SHC4: variants seen among roughly 807,000 people sequenced by gnomAD.
SHC4 encodes the protein SHC-transforming protein 4.
Under a neutral mutation model 69.4 loss-of-function variants are expected in SHC4, and 41 were observed. The ratio of observed to expected loss-of-function variants is 0.59; its 90% CI spans 0.46 to 0.77. SHC4 has a LOEUF of 0.77. SHC4 is among the 30% of genes least tolerant of loss of function. SHC4 has a pLI of 0.00. For missense variants in SHC4, 777 were observed against 783.8 expected, an observed-to-expected ratio of 0.99 and a Z score of 0.10; for synonymous variants, 318 against 299.3, an observed-to-expected ratio of 1.06 and a Z score of -0.64.
intron 2 of SHC4, among the ~76,000 whole-genome samples, chr15:48,918,636 C>A (rs878964321): frequency 1.3e-5 from 2 of 152,066 alleles, no homozygotes; most frequent in Admixed American, 1.3e-4. Flanking sequence ...TAGTTCAAGA[C>A]CTAGAGTTTG....
chr15:48,889,176 G>A lies in SHC4; in HGVS notation c.720+1572C>T, dbSNP rs148386124. ...CTTGCCTGGTAGCTGGAATCATCCAGTTGAAGCATCCTAATCAGAAATTAT... is the reference window on the plus strand; with the variant it reads ...CTTGCCTGGTAGCTGGAATCATCCAATTGAAGCATCCTAATCAGAAATTAT... On this transcript the variant is annotated intron_variant, in intron 3 of 11. Coordinates refer to ENST00000332408, the MANE Select transcript of SHC4 (RefSeq NM_203349.4). Among the ~76,000 whole-genome samples, 21 of 152,326 alleles carry A rather than the reference G, an allele frequency of 1.4e-4. No homozygotes were observed. The East Asian group carries it at 2.9e-3, about 21-fold the overall frequency.
At chr15:48,857,336 T>A (rs773908353) in intron 7 of SHC4, among the ~76,000 whole-genome samples, 5 of 152,070 alleles carry the variant, frequency 3.3e-5, no homozygotes, top group Non-Finnish European at 7.4e-5. Flanking sequence ...GTAAAGGATC[T>A]GGGGTTGAAA....
In SHC4 at chr15:48,941,979, T is replaced by C. The variant is rs115669495; in HGVS notation, c.586-17030A>G. 3.5e-3 allele frequency among the ~76,000 whole-genome samples: 530 copies of C among 152,294 alleles called. 5 individuals carry two copies. The highest frequency in any genetic ancestry group is 0.012 in the African/African-American group (492 of 41,560). ...GTACATATTATTTCATTCTCATTTA[T>C]AAATGAGAACATGCAGTATTTGAGT... On this transcript the variant is annotated intron_variant, in intron 1 of 11. Coordinates refer to ENST00000332408, the MANE Select transcript of SHC4 (RefSeq NM_203349.4).
In SHC4 at chr15:48,827,956, G is replaced by A. The variant is rs540615189; in HGVS notation, c.1738-1830C>T. On this transcript the variant is annotated intron_variant, in intron 11 of 11. Coordinates refer to ENST00000332408, the MANE Select transcript of SHC4 (RefSeq NM_203349.4). Reference sequence around the variant, plus strand: ...ACACAGCCCACTGTACCTTATGCTCGCTCTATCCCCTGCCCAGCTTTATTC... The same window carrying A: ...ACACAGCCCACTGTACCTTATGCTCACTCTATCCCCTGCCCAGCTTTATTC... Among the ~76,000 whole-genome samples the A allele has an allele frequency of 9.0e-4, 137 of 151,974 alleles. 2 individuals are homozygous for A. Among genetic ancestry groups the A allele is most frequent in the East Asian group, 1.9e-4 (1 of 5,192 alleles).
At chr15:48,893,549 C>T (rs1900170445) in intron 2 of SHC4, among the ~76,000 whole-genome samples, 1 of 152,104 alleles carries the variant, frequency 6.6e-6, no homozygotes, top group African/African-American at 2.4e-5. Context: ...AGTTTGTTGA[C>T]CCCTGGATCC....
At chr15:48,914,173 T>C (rs1900572021) in intron 2 of SHC4, among the ~76,000 whole-genome samples, 1 of 152,238 alleles carries the variant, frequency 6.6e-6, no homozygotes, top group Admixed American at 6.5e-5. Flanking sequence ...ACATTGTGCG[T>C]TTTAAAGACT....
chr15:48,953,738 C>T (rs543455548), intron 1 of SHC4, among the ~76,000 whole-genome samples: 1 of 152,292 alleles, frequency 6.6e-6, no homozygotes, highest in South Asian at 2.1e-4. Flanking sequence ...AGTAAGCTAG[C>T]CTGTCAATGT....
intron 11 of SHC4, among the ~76,000 whole-genome samples, chr15:48,829,220 A>G (rs1195236668): frequency 6.6e-6 from 1 of 152,110 alleles, no homozygotes; most frequent in African/African-American, 2.4e-5. Context: ...TTGCTGTTGG[A>G]TGGAATGTTC....
At chr15:48,927,270 C>A (rs79089709) in intron 1 of SHC4, among the ~76,000 whole-genome samples, 3,092 of 152,282 alleles carry the variant, frequency 0.02, 57 homozygotes, top group South Asian at 0.089. Context: ...CTAGGTCTTG[C>A]GTCCCTATAT....
intron 1 of SHC4, among the ~76,000 whole-genome samples, chr15:48,962,103 G>A (rs914693847): frequency 6.6e-6 from 1 of 152,004 alleles, no homozygotes; most frequent in Admixed American, 6.6e-5. Flanking sequence ...ACTCTTTTTG[G>A]CCAGAATACT....
intron 10 of SHC4, among the ~76,000 whole-genome samples, chr15:48,839,135 C>T (rs1388660661): frequency 6.6e-6 from 1 of 151,828 alleles, no homozygotes; most frequent in African/African-American, 2.4e-5. Context: ...GAGAAAATTA[C>T]CAATAACAGG....
intron 2 of SHC4, among the ~76,000 whole-genome samples, chr15:48,907,580 T>C (rs1900428895): frequency 6.6e-6 from 1 of 151,928 alleles, no homozygotes; most frequent in African/African-American, 2.4e-5. Flanking sequence ...TCCCCCCGAT[T>C]CCCCAAAGTC....
intron 1 of SHC4, among the ~76,000 whole-genome samples, chr15:48,956,779 A>G (rs1567079042): frequency 1.3e-5 from 2 of 152,210 alleles, no homozygotes; most frequent in Non-Finnish European, 2.9e-5. Flanking sequence ...CCTGAAGGAC[A>G]TTCTTTCTCT....
chr15:48,860,005 A>T (rs1282160380), intron 6 of SHC4, among the ~76,000 whole-genome samples: 1 of 152,112 alleles, frequency 6.6e-6, no homozygotes, highest in Non-Finnish European at 1.5e-5. Context: ...GTGAATAGCC[A>T]CTGCACCCCA....
chr15:48,826,107 A>G lies in SHC4; in HGVS notation c.1757T>C (p.Val586Ala). 6.2e-7 allele frequency: 1 copy of G among 1,613,130 alleles called. No individual in the cohort carries two copies. Among genetic ancestry groups the G allele is most frequent in the African/African-American group, 1.3e-5 (1 of 75,026 alleles). ...GATAAGGTGGCCGACATTATCAAAT[A>G]CATGATCCTTGGTCCTCACCTTGAA... The part of the protein sequence containing the change: ...PEGKVRTKDH[V>A]FDNVGHLIRY... The change falls in exon 12 of 12, where the codon GTA (valine) becomes GCA (alanine). Residue 586 changes from valine (V) to alanine (A), a missense_variant. Physicochemically the swap from Val to Ala is moderately conservative, Grantham distance 64. Coordinates refer to ENST00000332408, the MANE Select transcript of SHC4 (RefSeq NM_203349.4).
intron 1 of SHC4, among the ~76,000 whole-genome samples, chr15:48,959,382 C>G (rs1487556052): frequency 6.6e-6 from 1 of 152,186 alleles, no homozygotes; most frequent in Non-Finnish European, 1.5e-5. Context: ...TTTACTGATG[C>G]TTAGAACTGA....
chr15:48,938,553 C>T (rs1476535478), intron 1 of SHC4, among the ~76,000 whole-genome samples: 3 of 152,086 alleles, frequency 2.0e-5, no homozygotes, highest in Admixed American at 6.6e-5. Context: ...CTTCTCCTGC[C>T]CCTTTGAAGT....
chr15:48,929,485 C>T (rs1405827032), intron 1 of SHC4, among the ~76,000 whole-genome samples: 1 of 152,144 alleles, frequency 6.6e-6, no homozygotes, highest in Non-Finnish European at 1.5e-5. Context: ...AAGAGAAGTG[C>T]CTGGCTCAGT....
intron 2 of SHC4, among the ~76,000 whole-genome samples, chr15:48,898,618 C>G (rs898216670): frequency 1.3e-5 from 2 of 152,208 alleles, no homozygotes; most frequent in African/African-American, 4.8e-5. Flanking sequence ...CCCTTTGGCT[C>G]TGATGCAAAT....
Sources: gnomAD v4.1 joint callset for allele counts (sites outside exome capture counted in the v4.1 genomes callset) on GRCh38, gnomAD v4.1.1 for gene constraint, MANE v1.5 for transcripts, NCBI Gene and HGNC (gene_info 2026-07-23, HGNC 2026-07-21) for gene names.